Variants in ZNF804B observed in about 807,000 individuals in gnomAD.
The protein encoded by ZNF804B is zinc finger protein 804B, also known as zinc finger 804B.
ZNF804B carries 80 observed loss-of-function variants against 101.4 expected under a neutral mutation model. That is an observed-to-expected ratio of 0.79 (90% CI 0.66 to 0.95). ZNF804B has a LOEUF of 0.95. Among genes scored for constraint, ZNF804B ranks in the 40% least tolerant of loss-of-function variants. The probability of loss-of-function intolerance (pLI) is 0.00; values close to 1 mark genes in which losing one functional copy is unlikely to be tolerated. For synonymous variants in ZNF804B, 622 were observed against 558.8 expected (o/e 1.11, Z -1.59); for missense variants, 1,673 against 1,561.9 (o/e 1.07, Z -1.20).
At chr7:89,260,165 A>C (rs1562930230) in intron 2 of ZNF804B, among the ~76,000 whole-genome samples, 2 of 152,252 alleles carry the variant, frequency 1.3e-5, no homozygotes, top group East Asian at 3.9e-4. Context: ...TACAACGAAG[A>C]CTGCCAGCTG....
intron 1 of ZNF804B, among the ~76,000 whole-genome samples, chr7:88,912,838 A>G (rs1221140954): frequency 6.6e-6 from 1 of 152,188 alleles, no homozygotes; most frequent in Non-Finnish European, 1.5e-5. Flanking sequence ...CAATGATTCC[A>G]AATATTGTGC....
intron 1 of ZNF804B, among the ~76,000 whole-genome samples, chr7:89,012,174 G>T (rs145986547): frequency 6.6e-6 from 1 of 152,224 alleles, no homozygotes; most frequent in East Asian, 1.9e-4. Context: ...TCTAGCCATG[G>T]CTGGGACACA....
intron 1 of ZNF804B, chr7:88,794,589 G>T: frequency 3.7e-6 from 6 of 1,613,464 alleles, no homozygotes; most frequent in Non-Finnish European, 5.1e-6. Context: ...TTTCATCTTT[G>T]ACATGGCCAA....
intron 2 of ZNF804B, among the ~76,000 whole-genome samples, chr7:89,284,283 T>A (rs934676383): frequency 6.6e-6 from 1 of 152,210 alleles, no homozygotes; most frequent in African/African-American, 2.4e-5. Context: ...AGTTCATCTC[T>A]CCAATTGCCT....
chr7:89,016,140 G>C (rs952457751), intron 1 of ZNF804B, among the ~76,000 whole-genome samples: 79 of 152,056 alleles, frequency 5.2e-4, no homozygotes, highest in Non-Finnish European at 6.8e-4. Flanking sequence ...GTCTTCTTTT[G>C]AGAAGTGTCT....
chr7:89,240,515 A>G (rs1012738994), intron 2 of ZNF804B, among the ~76,000 whole-genome samples: 5 of 151,654 alleles, frequency 3.3e-5, no homozygotes, highest in African/African-American at 1.2e-4. Context: ...AATGTATCTC[A>G]CCTCTCCCTA....
chr7:88,781,942 G>A (rs1790233644), intron 1 of ZNF804B, among the ~76,000 whole-genome samples: 1 of 152,202 alleles, frequency 6.6e-6, no homozygotes, highest in Non-Finnish European at 1.5e-5. Context: ...CCTTGGCCAA[G>A]ATGGGAAAGG....
At chr7:89,129,007 C>CA (rs1408866668) in intron 1 of ZNF804B, among the ~76,000 whole-genome samples, 2 of 151,930 alleles carry the variant, frequency 1.3e-5, no homozygotes, top group Non-Finnish European at 2.9e-5. Flanking sequence ...CTGACTGCTC[C>CA]ACAATAGATT....
intron 1 of ZNF804B, among the ~76,000 whole-genome samples, chr7:88,895,312 A>G (rs992768728): frequency 2.0e-5 from 3 of 152,232 alleles, no homozygotes; most frequent in Non-Finnish European, 4.4e-5. Context: ...TCTCACTGTT[A>G]AAGTGGGAAG....
intron 1 of ZNF804B, among the ~76,000 whole-genome samples, chr7:89,211,824 CA>C (rs1263028977): frequency 3.9e-5 from 6 of 152,190 alleles, no homozygotes; most frequent in African/African-American, 1.4e-4. Flanking sequence ...CATTGCTACA[CA>C]AGCTCTTTTT....
intron 1 of ZNF804B, among the ~76,000 whole-genome samples, chr7:89,182,066 G>A (rs1354467334): frequency 1.3e-5 from 2 of 152,116 alleles, no homozygotes; most frequent in Non-Finnish European, 2.9e-5. Context: ...TTGAGCAGAT[G>A]ACATTTAATT....
chr7:89,030,792 C>A (rs1318616592), intron 1 of ZNF804B, among the ~76,000 whole-genome samples: 1 of 152,072 alleles, frequency 6.6e-6, no homozygotes, highest in South Asian at 2.1e-4. Flanking sequence ...TAATAAAGGG[C>A]CATTTGTGAT....
At chr7:88,870,800 A>G (rs1562818222) in intron 1 of ZNF804B, among the ~76,000 whole-genome samples, 1 of 152,208 alleles carries the variant, frequency 6.6e-6, no homozygotes, top group Non-Finnish European at 1.5e-5. Flanking sequence ...CATTGCCTAG[A>G]TAAACAAAAT....
intron 1 of ZNF804B, among the ~76,000 whole-genome samples, chr7:89,026,404 A>C (rs754437617): frequency 1.6e-4 from 24 of 152,266 alleles, no homozygotes; most frequent in Non-Finnish European, 2.5e-4. Context: ...GGGTACACAC[A>C]GGGGGAAGAG....
intron 1 of ZNF804B, among the ~76,000 whole-genome samples, chr7:88,973,469 A>G (rs2116116528): frequency 6.6e-6 from 1 of 151,502 alleles, no homozygotes; most frequent in South Asian, 2.1e-4. Flanking sequence ...AAAGATGAAC[A>G]TGTATCAATA....
intron 1 of ZNF804B, among the ~76,000 whole-genome samples, chr7:88,872,300 T>C (rs990315307): frequency 3.9e-5 from 6 of 152,014 alleles, no homozygotes; most frequent in Non-Finnish European, 7.4e-5. Context: ...GCCTGTAATC[T>C]GAACACCTTG....
At chr7:89,207,716 C>T (rs544124326) in intron 1 of ZNF804B, among the ~76,000 whole-genome samples, 3 of 152,196 alleles carry the variant, frequency 2.0e-5, no homozygotes, top group Admixed American at 6.5e-5. Context: ...CAGTTCTCTC[C>T]CCTTTAGCAT....
intron 1 of ZNF804B, among the ~76,000 whole-genome samples, chr7:88,782,252 G>A (rs1790240598): frequency 6.6e-6 from 1 of 151,862 alleles, no homozygotes; most frequent in Non-Finnish European, 1.5e-5. Flanking sequence ...TCTGAGAAAA[G>A]TCCATGGGCA....
chr7:89,215,901 A>AAATT (rs1191146044), intron 1 of ZNF804B, among the ~76,000 whole-genome samples: 3 of 149,750 alleles, frequency 2.0e-5, no homozygotes, highest in East Asian at 3.9e-4. Flanking sequence ...ATAAATAAAT[A>AAATT]AATAAATAAA....
Sources: gnomAD v4.1 joint callset for allele counts (sites outside exome capture counted in the v4.1 genomes callset) on GRCh38, gnomAD v4.1.1 for gene constraint, MANE v1.5 for transcripts, NCBI Gene and HGNC (gene_info 2026-07-23, HGNC 2026-07-21) for gene names.